CFAP299: variants seen among roughly 807,000 people sequenced by gnomAD.
CFAP299 encodes the protein cilia and flagella associated protein 299, also known as cilia- and flagella-associated protein 299.
Under a neutral mutation model 27.0 loss-of-function variants are expected in CFAP299, and 21 were observed. That is an observed-to-expected ratio of 0.78 (90% CI 0.55 to 1.12). CFAP299 has a LOEUF of 1.12. Among genes scored for constraint, CFAP299 ranks in the 50% most tolerant of loss-of-function variants. The probability of loss-of-function intolerance (pLI) is 0.00; values close to 1 mark genes in which losing one functional copy is unlikely to be tolerated. For synonymous variants in CFAP299, 104 were observed against 98.1 expected (o/e 1.06, Z -0.36); for missense variants, 310 against 276.6 (o/e 1.12, Z -0.86).
intron 3 of CFAP299, among the ~76,000 whole-genome samples, chr4:80,780,465 G>C (rs1459860564): frequency 6.6e-6 from 1 of 152,022 alleles, no homozygotes; most frequent in African/African-American, 2.4e-5. Flanking sequence ...CAGATGTTTT[G>C]CTGAATGAAT....
At chr4:80,725,658 A>G (rs1723117101) in intron 3 of CFAP299, among the ~76,000 whole-genome samples, 1 of 152,192 alleles carries the variant, frequency 6.6e-6, no homozygotes, top group Non-Finnish European at 1.5e-5. Context: ...GAGGTATAAA[A>G]AGGGTGCAGG....
At chr4:80,463,114 A>C (rs1298846310) in intron 2 of CFAP299, among the ~76,000 whole-genome samples, 2 of 152,024 alleles carry the variant, frequency 1.3e-5, no homozygotes, top group Non-Finnish European at 2.9e-5. Flanking sequence ...AGAAAACTCT[A>C]AAACCTGTTT....
intron 4 of CFAP299, chr4:80,870,741 C>G (rs1733037280): frequency 2.0e-6 from 2 of 985,404 alleles, no homozygotes; most frequent in African/African-American, 1.7e-5. Context: ...TCTTACTTAA[C>G]TATAGAACCC....
chr4:80,731,876 G>A (rs1038824515), intron 3 of CFAP299, among the ~76,000 whole-genome samples: 1 of 151,788 alleles, frequency 6.6e-6, no homozygotes, highest in African/African-American at 2.4e-5. Context: ...CCTCAACATG[G>A]CCCTTTCCTG....
rs569124834 is a variant in CFAP299, at chr4:80,597,167, G to C, written c.333+13984G>C. 3.9e-5 allele frequency among the ~76,000 whole-genome samples: 6 copies of C among 152,148 alleles called. No homozygotes were observed. The East Asian group carries it at 1.2e-3, about 29-fold the overall frequency. On this transcript the variant is annotated intron_variant, in intron 3 of 5. Transcript: ENST00000358105. ...ATGCCAAATATTTTCCAAAGTGATT[G>C]GGCCGGTATAAATTCGGAGCAACTG...
chr4:80,941,393 CAT>C (rs1383961492), intron 4 of CFAP299, among the ~76,000 whole-genome samples: 4 of 152,138 alleles, frequency 2.6e-5, no homozygotes, highest in South Asian at 2.1e-4. Flanking sequence ...TTCCCAAGAA[CAT>C]GTTTGATTTT....
intron 2 of CFAP299, among the ~76,000 whole-genome samples, chr4:80,500,838 T>C (rs1422336652): frequency 6.6e-6 from 1 of 152,084 alleles, no homozygotes; most frequent in Non-Finnish European, 1.5e-5. Flanking sequence ...CAGGAAGTGA[T>C]TTTACTTCTT....
At chr4:80,839,226 T>G (rs1730732055) in intron 3 of CFAP299, among the ~76,000 whole-genome samples, 1 of 152,188 alleles carries the variant, frequency 6.6e-6, no homozygotes, top group South Asian at 2.1e-4. Context: ...ATGGTGTATT[T>G]GTTAACTGAT....
At chr4:80,373,144 A>G (rs1724230095) in intron 2 of CFAP299, among the ~76,000 whole-genome samples, 1 of 152,076 alleles carries the variant, frequency 6.6e-6, no homozygotes, top group Non-Finnish European at 1.5e-5. Flanking sequence ...TAACCCTTGC[A>G]TAGACACAGT....
At chr4:80,688,066 G>A (rs1277921714) in intron 3 of CFAP299, among the ~76,000 whole-genome samples, 1 of 152,222 alleles carries the variant, frequency 6.6e-6, no homozygotes, top group East Asian at 1.9e-4. Context: ...CTGATTGGTA[G>A]CACAGCAGTC....
chr4:80,805,819 A>G (rs1728835707), intron 3 of CFAP299, among the ~76,000 whole-genome samples: 1 of 152,190 alleles, frequency 6.6e-6, no homozygotes, highest in Admixed American at 6.5e-5. Flanking sequence ...GGCTGCGGTG[A>G]GCCAACATCG....
chr4:80,361,238 C>T (rs1723530428), intron 1 of CFAP299, among the ~76,000 whole-genome samples: 1 of 152,094 alleles, frequency 6.6e-6, no homozygotes, highest in Non-Finnish European at 1.5e-5. Flanking sequence ...TTGTGTAACC[C>T]AGGTAAAGCA....
intron 2 of CFAP299, among the ~76,000 whole-genome samples, chr4:80,487,634 C>T (rs954857420): frequency 6.6e-6 from 1 of 152,138 alleles, no homozygotes; most frequent in Non-Finnish European, 1.5e-5. Context: ...GGAGATCAAG[C>T]TGTGTGTGCA....
At chr4:80,394,403 C>T (rs550743331) in intron 2 of CFAP299, among the ~76,000 whole-genome samples, 1 of 149,032 alleles carries the variant, frequency 6.7e-6, no homozygotes, top group South Asian at 2.1e-4. Flanking sequence ...TGGCTGTACA[C>T]AGTTTTTTTT....
intron 3 of CFAP299, among the ~76,000 whole-genome samples, chr4:80,861,192 G>A (rs1277099067): frequency 4.6e-5 from 7 of 152,164 alleles, no homozygotes; most frequent in African/African-American, 9.7e-5. Flanking sequence ...GCGAGACTCC[G>A]TGGGTGTAGG....
At chr4:80,388,353 T>C in intron 2 of CFAP299, 1 of 682,252 alleles carries the variant, frequency 1.5e-6, no homozygotes. Flanking sequence ...AGGGGCACTG[T>C]GATGTATGTA....
intron 2 of CFAP299, among the ~76,000 whole-genome samples, chr4:80,522,141 T>C (rs928960365): frequency 6.6e-6 from 1 of 151,964 alleles, no homozygotes; most frequent in African/African-American, 2.4e-5. Context: ...TTACTTTCTG[T>C]TTTGGTTTTT....
At chr4:80,499,928 G>A (rs1156558438) in intron 2 of CFAP299, among the ~76,000 whole-genome samples, 3 of 151,994 alleles carry the variant, frequency 2.0e-5, no homozygotes, top group African/African-American at 7.2e-5. Context: ...AGCTAGTCTA[G>A]CTCTAAGGAA....
intron 3 of CFAP299, among the ~76,000 whole-genome samples, chr4:80,858,854 G>A (rs1185219641): frequency 1.3e-5 from 2 of 152,150 alleles, no homozygotes; most frequent in Non-Finnish European, 2.9e-5. Flanking sequence ...TGGAATAGGT[G>A]TGGTGTGGTG....
Sources: allele counts gnomAD v4.1 joint callset (sites outside exome capture counted in the v4.1 genomes callset), GRCh38; gene constraint gnomAD v4.1.1; transcripts MANE v1.5; gene names NCBI Gene and HGNC (gene_info 2026-07-23, HGNC 2026-07-21).